Variants in IPO9 observed in about 807,000 individuals in gnomAD.
IPO9 encodes importin-9.
Under a neutral mutation model 128.6 loss-of-function variants are expected in IPO9, and 28 were observed. The ratio of observed to expected loss-of-function variants is 0.22; its 90% CI spans 0.16 to 0.30. The LOEUF is 0.30. Ranked by LOEUF, IPO9 falls within the 10% of genes least tolerant of loss-of-function variation. The probability of loss-of-function intolerance (pLI) is 1.00; values close to 1 mark genes in which losing one functional copy is unlikely to be tolerated. For missense variants in IPO9, 935 were observed against 1,293.9 expected (o/e 0.72, Z 4.26); for synonymous variants, 455 against 475.8 (o/e 0.96, Z 0.57).
At chr1:201,850,594 G>C (rs1052854624) in intron 4 of IPO9, 1 of 152,168 alleles carries the variant, frequency 6.6e-6, no homozygotes, top group African/African-American at 2.4e-5. Context: ...GAATTTTTCT[G>C]ACTTGCTGAA....
intron 23 of IPO9, among the ~76,000 whole-genome samples, 191 bp downstream of exon 23, chr1:201,875,419 G>C (rs1013732219): frequency 6.6e-6 from 1 of 152,092 alleles, no homozygotes; most frequent in South Asian, 2.1e-4. Flanking sequence ...GGGACACCCT[G>C]TCTCTACAAA....
intron 3 of IPO9, 74 bp downstream of exon 3, chr1:201,847,712 T>A (rs926177058): frequency 4.8e-6 from 5 of 1,040,370 alleles, no homozygotes; most frequent in African/African-American, 4.8e-5. Context: ...TATAACATTC[T>A]TTGACAGCAT....
At chr1:201,871,106 C>A in intron 18 of IPO9, 55 bp from the exon 19 acceptor site, 1 of 1,557,924 alleles carries the variant, frequency 6.4e-7, no homozygotes, top group Non-Finnish European at 8.8e-7. Context: ...TCCCTCTCAT[C>A]TCCTATGTCT....
At chr1:201,834,304 G>A (rs558913885) in intron 1 of IPO9, among the ~76,000 whole-genome samples, 1 of 150,608 alleles carries the variant, frequency 6.6e-6, no homozygotes, top group South Asian at 2.1e-4. Context: ...TACAAACATA[G>A]TAGTTAAAAA....
intron 1 of IPO9, among the ~76,000 whole-genome samples, chr1:201,834,088 TAGG>T: frequency 6.6e-6 from 1 of 152,138 alleles, no homozygotes; most frequent in Non-Finnish European, 1.5e-5. Flanking sequence ...TCATTTTTCT[TAGG>T]AGGATTGAGA....
At position 201,866,694 on chromosome 1, in the gene IPO9, A is replaced by AT. The variant is rs757409023; in HGVS notation, c.1629-31dup. 1.2e-3 allele frequency: 1,803 copies of AT among 1,495,578 alleles called. 14 individuals are homozygous for AT. The Middle Eastern group carries it at 0.022, about 18-fold the overall frequency. The allele number at this position is 1,495,578 out of a possible 1,614,324, so 92.6% of individuals were successfully genotyped here. On this transcript the variant is annotated intron_variant, in intron 14 of 23. Coordinates refer to ENST00000361565, the MANE Select transcript of IPO9 (RefSeq NM_018085.5). ...ATTGATTGGGAAAACCAGGAATTGAATTTTTTTTAATAATTCTTGCTTATC... is the reference window on the plus strand; with the variant it reads ...ATTGATTGGGAAAACCAGGAATTGAATTTTTTTTTAATAATTCTTGCTTATC...
intron 1 of IPO9, among the ~76,000 whole-genome samples, chr1:201,840,139 G>A (rs1006408390): frequency 3.3e-5 from 5 of 152,120 alleles, no homozygotes; most frequent in Non-Finnish European, 5.9e-5. Context: ...GCCCAGGCTG[G>A]AGTGCAGTGG....
chr1:201,843,749 A>G lies in IPO9; in HGVS notation c.164-3530A>G, dbSNP rs540977007. Among the ~76,000 whole-genome samples, 5 of 151,176 alleles carry G rather than the reference A, an allele frequency of 3.3e-5. No homozygotes were observed. The South Asian group carries it at 1.1e-3, about 32-fold the overall frequency. Reference sequence around the variant, plus strand: ...AGGCTGAGGCACAAGAATCGCTTGAACCCAGGAGACAGAGGTTGCAGTGAA... The same window carrying G: ...AGGCTGAGGCACAAGAATCGCTTGAGCCCAGGAGACAGAGGTTGCAGTGAA... On this transcript the variant is annotated intron_variant, in intron 1 of 23. Coordinates refer to ENST00000361565, the MANE Select transcript of IPO9 (RefSeq NM_018085.5).
At chr1:201,847,069 A>G (rs1261050798) in intron 1 of IPO9, among the ~76,000 whole-genome samples, 1 of 152,236 alleles carries the variant, frequency 6.6e-6, no homozygotes, top group African/African-American at 2.4e-5. Flanking sequence ...GAAAAAGTGT[A>G]AGGGTGTTGA....
intron 1 of IPO9, among the ~76,000 whole-genome samples, chr1:201,838,669 T>TC (rs1679983686): frequency 6.7e-6 from 1 of 149,878 alleles, no homozygotes; most frequent in Admixed American, 6.6e-5. Context: ...AAAAAAAAAA[T>TC]CCACTTTCCT....
chr1:201,874,392 C>A lies in IPO9; in HGVS notation c.2833+20C>A. The A allele has an allele frequency of 6.3e-7, 1 of 1,596,136 alleles. No homozygotes were observed. The highest frequency in any genetic ancestry group is 1.1e-5 in the South Asian group (1 of 88,958). On this transcript the variant is annotated intron_variant, in intron 21 of 23. Coordinates refer to ENST00000361565, the MANE Select transcript of IPO9 (RefSeq NM_018085.5). ...GTCAAGGTGCACCAGGCCCTTACTCCCAGGAGACTTTTAGCCTGGCAGATC... is the reference window on the plus strand; with the variant it reads ...GTCAAGGTGCACCAGGCCCTTACTCACAGGAGACTTTTAGCCTGGCAGATC...
Position 201,842,832 on chromosome 1 carries a change from G to A in IPO9, c.164-4447G>A, listed in dbSNP as rs12567555. 8.2e-3 allele frequency among the ~76,000 whole-genome samples: 1,247 copies of A among 152,310 alleles called. 72 individuals carry two copies. The East Asian group carries it at 0.17, about 21-fold the overall frequency. ...GGCTTCCTTTCATTCTTGTGAGGTT[G>A]CAAAAGCAGAAGTAGTCTTAGCAAA... On this transcript the variant is annotated intron_variant, in intron 1 of 23. Coordinates refer to ENST00000361565, the MANE Select transcript of IPO9 (RefSeq NM_018085.5).
At position 201,874,283 on chromosome 1, in the gene IPO9, T is replaced by C; in HGVS notation, c.2744T>C (p.Val915Ala). Residue 915 changes from valine to alanine, a missense_variant, in exon 21 of 24, where the codon GTC becomes GCC. By Grantham distance (64) the Val-to-Ala change is moderately conservative. Transcript: ENST00000361565. ...CGCTGGACAAACATTCCTTTGCTGG[T>C]CAAGATCCTAAAGCTGATCATCAAC... ...PERWTNIPLL[V>A]KILKLIINEL... 6.2e-7 allele frequency: 1 copy of C among 1,613,892 alleles called. No homozygotes were observed. Among genetic ancestry groups the C allele is most frequent in the Non-Finnish European group, 8.5e-7 (1 of 1,179,870 alleles).
At chr1:201,829,894 C>G (rs1309575584) in intron 1 of IPO9, among the ~76,000 whole-genome samples, 1 of 152,168 alleles carries the variant, frequency 6.6e-6, no homozygotes, top group African/African-American at 2.4e-5. Context: ...TGTTTGTACT[C>G]TTCGTGTTTT....
At chr1:201,846,476 A>C (rs1422831381) in intron 1 of IPO9, among the ~76,000 whole-genome samples, 1 of 151,916 alleles carries the variant, frequency 6.6e-6, no homozygotes, top group Non-Finnish European at 1.5e-5. Flanking sequence ...AGGTTCAAAC[A>C]ATTCTCTGCT....
intron 1 of IPO9, among the ~76,000 whole-genome samples, chr1:201,844,679 G>A (rs952923353): frequency 6.6e-6 from 1 of 152,120 alleles, no homozygotes; most frequent in African/African-American, 2.4e-5. Context: ...AAATTATTTT[G>A]TAAAATATGG....
Position 201,871,279 on chromosome 1 carries a change from G to A in IPO9, c.2528G>A (p.Trp843Ter). 1 of 1,612,074 alleles carries A rather than the reference G, an allele frequency of 6.2e-7. No individual in the cohort carries two copies. The highest frequency in any genetic ancestry group is 8.5e-7 in the Non-Finnish European group (1 of 1,178,944). Residue 843 changes from tryptophan (W) to a stop codon, truncating the protein, a stop_gained, in exon 19 of 24, where the codon TGG becomes TAG. Coordinates refer to ENST00000361565, the MANE Select transcript of IPO9 (RefSeq NM_018085.5). LOFTEE classifies it high-confidence loss of function. ...GCTCTAGAGTTTGTGATGGCTGAGT[G>A]GACAAGCCGACAGCACCTGTTCTAT... ...KPALEFVMAE[W>*]TSRQHLFYGQ... is the part of the protein sequence containing the mutation.
chr1:201,843,963 A>C (rs10920261), intron 1 of IPO9, among the ~76,000 whole-genome samples: 1 of 152,134 alleles, frequency 6.6e-6, no homozygotes, highest in Non-Finnish European at 1.5e-5. Context: ...ATAAAGGAGA[A>C]GGGACAGTAC....
intron 13 of IPO9, among the ~76,000 whole-genome samples, chr1:201,861,723 G>A (rs1680451115): frequency 6.6e-6 from 1 of 152,148 alleles, no homozygotes; most frequent in South Asian, 2.1e-4. Context: ...AACAAGTTAA[G>A]CCCTGTGACA....
Sources: gnomAD v4.1 joint callset for allele counts (sites outside exome capture counted in the v4.1 genomes callset) on GRCh38, gnomAD v4.1.1 for gene constraint, MANE v1.5 for transcripts, NCBI Gene and HGNC (gene_info 2026-07-23, HGNC 2026-07-21) for gene names.